CCDC92: variants seen among roughly 807,000 people sequenced by gnomAD.
The protein encoded by CCDC92 is coiled-coil domain containing 92, also known as coiled-coil domain-containing protein 92.
In CCDC92, 12 loss-of-function variants were observed where a neutral mutation model predicts 24.9. That is an observed-to-expected ratio of 0.48 (90% CI 0.31 to 0.78). The LOEUF (loss-of-function observed/expected upper bound fraction) is 0.78, where lower values mean the gene tolerates loss of function less well. CCDC92 is among the 30% of genes least tolerant of loss of function. The pLI is 0.05. For missense variants in CCDC92, 399 were observed against 439.4 expected, an observed-to-expected ratio of 0.91 and a Z score of 0.82; for synonymous variants, 193 against 196.3, an observed-to-expected ratio of 0.98 and a Z score of 0.14.
At position 123,935,872 on chromosome 12, in the gene CCDC92, T is replaced by C. The variant is rs1022835847; in HGVS notation, c.*1186A>G. Reference sequence around the variant, plus strand: ...GGTCTGTTTCAGCAGATGCTCCTTTTTGGCAAGAAGGGCTGATGATGTCGG... The same window carrying C: ...GGTCTGTTTCAGCAGATGCTCCTTTCTGGCAAGAAGGGCTGATGATGTCGG... On this transcript the variant is annotated 3_prime_UTR_variant, in exon 5 of 5. Coordinates refer to ENST00000238156, the MANE Select transcript of CCDC92 (RefSeq NM_025140.3). 7.2e-5 allele frequency: 12 copies of C among 167,212 alleles called. No homozygotes were observed. Among genetic ancestry groups the C allele is most frequent in the Non-Finnish European group, 1.4e-4 (11 of 77,112 alleles). The allele number at this position is 167,212 out of a possible 1,614,324, so 10.4% of individuals were successfully genotyped here.
intron 1 of CCDC92, among the ~76,000 whole-genome samples, chr12:123,948,762 C>T (rs1486176420): frequency 6.6e-6 from 1 of 152,204 alleles, no homozygotes; most frequent in Non-Finnish European, 1.5e-5. Context: ...AACACATCTC[C>T]AAATGGCATC....
In CCDC92 at chr12:123,937,673, C is replaced by A. The variant is rs780064664; in HGVS notation, c.381G>T (p.Glu127Asp). ...TVLENTIKER[E>D]KKYLEELKAK... ...CCTTCAGCTCCTCCAGGTACTTCTT[C>A]TCTCGCTCCTTGATGGTGTTCTCCA... Residue 127 changes from glutamate to aspartate, a missense_variant, in exon 5 of 5, where the codon GAG becomes GAT. Glu to Asp is a conservative substitution (Grantham distance 45, BLOSUM62 2). Transcript: ENST00000238156. The surrounding 1 kb of genome is among the most constrained non-coding windows in gnomAD (Gnocchi z 8.4). The A allele has an allele frequency of 2.5e-6, 4 of 1,614,124 alleles. No individual in the cohort carries two copies. The Admixed American group carries it at 6.7e-5, about 27-fold the overall frequency.
intron 1 of CCDC92, chr12:123,944,983 G>GC (rs1418169123): frequency 2.0e-5 from 3 of 152,234 alleles, no homozygotes; most frequent in Admixed American, 2.0e-4. Flanking sequence ...CTCTGAACTA[G>GC]CAATTTATTT....
chr12:123,950,144 TGTG>T (rs1376099805), intron 1 of CCDC92, among the ~76,000 whole-genome samples: 1 of 152,260 alleles, frequency 6.6e-6, no homozygotes, highest in Non-Finnish European at 1.5e-5. Context: ...CCGCAGGTGA[TGTG>T]GTGACAATCC....
intron 1 of CCDC92, among the ~76,000 whole-genome samples, chr12:123,955,444 T>A (rs1409218359): frequency 6.6e-6 from 1 of 152,208 alleles, no homozygotes; most frequent in East Asian, 1.9e-4. Flanking sequence ...TCTTAGCGCT[T>A]GATGACCACA....
rs754549712 is a variant in CCDC92, at chr12:123,937,052, C to T, written c.*6G>A. 18 of 1,613,472 alleles carry T rather than the reference C, an allele frequency of 1.1e-5. No individual in the cohort carries two copies. The highest frequency in any genetic ancestry group is 1.7e-4 in the Middle Eastern group (1 of 6,012). Reference sequence around the variant, plus strand: ...ATGGACAGCGCGGGGTGGGGCACGGCGGGCTTCACACAGTTCTGTCCGTCC... The same window carrying T: ...ATGGACAGCGCGGGGTGGGGCACGGTGGGCTTCACACAGTTCTGTCCGTCC... On this transcript the variant is annotated 3_prime_UTR_variant, in exon 5 of 5. Transcript: ENST00000238156. The surrounding 1 kb of genome is among the most constrained non-coding windows in gnomAD (Gnocchi z 8.4).
rs1956592827 is a variant in CCDC92, at chr12:123,972,757, G to A, written c.-288C>T. 1 of 147,240 alleles carries A rather than the reference G, an allele frequency of 6.8e-6. No individual in the cohort carries two copies. The highest frequency in any genetic ancestry group is 1.5e-5 in the Non-Finnish European group (1 of 66,122). The allele number at this position is 147,240 out of a possible 1,614,324, so 9.1% of individuals were successfully genotyped here. A position where few individuals can be genotyped will look rare whatever the true frequency, so the allele number is the denominator to read the frequency against. On this transcript the variant is annotated 5_prime_UTR_variant, in exon 1 of 5. Coordinates refer to ENST00000238156, the MANE Select transcript of CCDC92 (RefSeq NM_025140.3). ...CAGCGCTAGCCGCGGTGCACCCTGG[G>A]AGCGGGGCCGGCGGCGAGGCCTGGC...
rs778973926 is a variant in CCDC92 at position 123,943,506 on chromosome 12, C to G, written c.35-13G>C. 6.2e-7 allele frequency: 1 copy of G among 1,613,880 alleles called. No individual in the cohort carries two copies. The highest frequency in any genetic ancestry group is 2.2e-5 in the East Asian group (1 of 44,888). The stretch of plus-strand genomic sequence containing the variant: ...ACATCCAGAGGACCTGTGGGTAACA[C>G]AGACCCTGGCTGCGGTGCCTGAAGA... On this transcript the variant is annotated splice_polypyrimidine_tract_variant and intron_variant, in intron 2 of 4. Transcript: ENST00000238156.
At chr12:123,943,572 A>T (rs1312398513) in intron 2 of CCDC92, 79 bp from the exon 3 acceptor site, 2 of 1,523,212 alleles carry the variant, frequency 1.3e-6, no homozygotes, top group African/African-American at 2.7e-5. Flanking sequence ...CTGGGTGCAG[A>T]GGGGTGTGCG....
intron 1 of CCDC92, among the ~76,000 whole-genome samples, chr12:123,965,489 G>A (rs1956371582): frequency 6.6e-6 from 1 of 152,046 alleles, no homozygotes; most frequent in African/African-American, 2.4e-5. Context: ...AGTGAGGGCT[G>A]CACGCTCTTG....
intron 2 of CCDC92, chr12:123,943,707 G>A (rs1196125426): frequency 1.3e-5 from 8 of 603,456 alleles, no homozygotes; most frequent in East Asian, 5.6e-5. Context: ...CTTCCCGAAC[G>A]CCTTGGGGTG....
chr12:123,943,399 G>C lies in CCDC92; in HGVS notation c.129C>G (p.Ser43Arg), dbSNP rs1955749292. ...TCTCGGAGTGCAGCCCCTTGAGCGT[G>C]CTGGCATGCTCCCGCTGAAGGAACA... ...NLLFLQREHA[S>R]TLKGLHSEIR... The change falls in exon 3 of 5, where the codon AGC becomes AGG. Residue 43 changes from serine to arginine, a missense_variant. Coordinates refer to ENST00000238156, the MANE Select transcript of CCDC92 (RefSeq NM_025140.3). 1 of 1,614,008 alleles carries C rather than the reference G, an allele frequency of 6.2e-7. No homozygotes were observed. Among genetic ancestry groups the C allele is most frequent in the African/African-American group, 1.3e-5 (1 of 74,938 alleles).
chr12:123,970,796 T>C (rs1190882497), intron 1 of CCDC92, among the ~76,000 whole-genome samples: 1 of 152,270 alleles, frequency 6.6e-6, no homozygotes, highest in Non-Finnish European at 1.5e-5. Context: ...ATGACTTTTC[T>C]TGCCAGAAAT....
intron 4 of CCDC92, among the ~76,000 whole-genome samples, chr12:123,940,886 A>G (rs1955663444): frequency 6.6e-6 from 1 of 152,138 alleles, no homozygotes; most frequent in African/African-American, 2.4e-5. Flanking sequence ...CACTAATGTA[A>G]AACAATGATT....
At position 123,937,017 on chromosome 12, in the gene CCDC92, C is replaced by A. The variant is rs1437048306; in HGVS notation, c.*41G>T. The A allele has an allele frequency of 6.2e-7, 1 of 1,606,628 alleles. No homozygotes were observed. The highest frequency in any genetic ancestry group is 1.1e-5 in the South Asian group (1 of 90,368). On this transcript the variant is annotated 3_prime_UTR_variant, in exon 5 of 5. Transcript: ENST00000238156. This position sits in a 1 kb window ranked among gnomAD's most constrained non-coding sequence, Gnocchi z 8.4. ...GTGTGGCTGAGATTTCCCAGTGGTG[C>A]TCACAGTGCATGGACAGCGCGGGGT...
At chr12:123,953,535 T>C (rs1230223493) in intron 1 of CCDC92, among the ~76,000 whole-genome samples, 1 of 152,166 alleles carries the variant, frequency 6.6e-6, no homozygotes, top group Non-Finnish European at 1.5e-5. Flanking sequence ...TCCCAGCACT[T>C]TGGGAGGCCA....
chr12:123,942,233 G>A (rs920850506), intron 4 of CCDC92, among the ~76,000 whole-genome samples: 2 of 152,212 alleles, frequency 1.3e-5, no homozygotes, highest in African/African-American at 4.8e-5. Context: ...GGTTTGGGGA[G>A]GGTTCTGGGG....
intron 3 of CCDC92, 35 bp downstream of exon 3, chr12:123,943,312 G>A (rs764737697): frequency 1.4e-5 from 23 of 1,602,324 alleles, no homozygotes; most frequent in East Asian, 1.1e-4. Flanking sequence ...CCCCATAGCC[G>A]CCCCCCGCCT....
chr12:123,944,149 G>T, intron 2 of CCDC92, 123 bp downstream of exon 2: 1 of 714,528 alleles, frequency 1.4e-6, no homozygotes, highest in Non-Finnish European at 2.5e-6. Flanking sequence ...TCTTGGGAAG[G>T]TCTGAGAACG....
Sources: allele counts gnomAD v4.1 joint callset (sites outside exome capture counted in the v4.1 genomes callset), GRCh38; gene constraint gnomAD v4.1.1; non-coding constraint Gnocchi (gnomAD v3.1); transcripts MANE v1.5; gene names NCBI Gene and HGNC (gene_info 2026-07-23, HGNC 2026-07-21).